The following RPSA2 variants were observed in gnomAD, a reference collection of about 807,000 sequenced individuals.
The protein encoded by RPSA2 is ribosomal protein SA 2, also known as small ribosomal subunit protein uS2B.
the RPSA2 span, among the ~76,000 whole-genome samples, chr19:23,838,727 A>T: frequency 6.7e-6 from 1 of 148,172 alleles, no homozygotes; most frequent in Non-Finnish European, 1.5e-5. Context: ...GCTTATGTGT[A>T]TGTGTGTAAA....
At chr19:23,848,236 C>T in the RPSA2 span, among the ~76,000 whole-genome samples, 151 of 152,244 alleles carry the variant, frequency 9.9e-4, no homozygotes, top group African/African-American at 3.3e-3. Flanking sequence ...GTTCCTCTGC[C>T]GTGGCTCCAG....
chr19:23,801,280 AC>A, the RPSA2 span, among the ~76,000 whole-genome samples: 148,584 of 151,888 alleles, frequency 0.98, 72,767 homozygotes, highest in Middle Eastern at 1. Context: ...TTGCTCTGTC[AC>A]CAGGCTGGAG....
chr19:23,781,005 C>T, the RPSA2 span, among the ~76,000 whole-genome samples: 1 of 152,168 alleles, frequency 6.6e-6, no homozygotes, highest in Non-Finnish European at 1.5e-5. Flanking sequence ...GAGACAGTCT[C>T]GCTCTGTCAC....
the RPSA2 span, among the ~76,000 whole-genome samples, chr19:23,839,041 T>G: frequency 6.6e-6 from 1 of 152,176 alleles, no homozygotes. Context: ...TGTCTGTCTG[T>G]GCTCTTTCAA....
the RPSA2 span, among the ~76,000 whole-genome samples, chr19:23,796,059 C>T: frequency 1.7e-4 from 26 of 152,306 alleles, no homozygotes; most frequent in Admixed American, 5.2e-4. Flanking sequence ...GCCACTGCAC[C>T]CATCTGCTTC....
chr19:23,814,520 A>G, the RPSA2 span, among the ~76,000 whole-genome samples: 1 of 152,162 alleles, frequency 6.6e-6, no homozygotes, highest in African/African-American at 2.4e-5. Flanking sequence ...AAAATCAGAA[A>G]TTATAATGCA....
At chr19:23,782,918 C>T in the RPSA2 span, among the ~76,000 whole-genome samples, 1 of 152,012 alleles carries the variant, frequency 6.6e-6, no homozygotes, top group East Asian at 1.9e-4. Flanking sequence ...TAGGCCATCC[C>T]CTCAGGGGTA....
At chr19:23,849,225 A>AG in the RPSA2 span, among the ~76,000 whole-genome samples, 1 of 152,260 alleles carries the variant, frequency 6.6e-6, no homozygotes, top group Admixed American at 6.5e-5. Flanking sequence ...TAAACAAAGC[A>AG]GAATGCTTGA....
the RPSA2 span, among the ~76,000 whole-genome samples, chr19:23,764,167 A>G: frequency 6.6e-6 from 1 of 152,174 alleles, no homozygotes; most frequent in African/African-American, 2.4e-5. Context: ...CTGCTTTTTA[A>G]TTACTTTAAC....
the RPSA2 span, chr19:23,833,030 G>T: frequency 2.2e-5 from 30 of 1,378,136 alleles, no homozygotes; most frequent in Admixed American, 2.7e-4. Context: ...AACCATAAGA[G>T]AATTCATACT....
chr19:23,768,147 G>A, the RPSA2 span, among the ~76,000 whole-genome samples: 2 of 151,876 alleles, frequency 1.3e-5, no homozygotes, highest in Non-Finnish European at 2.9e-5. Context: ...ACTATGAAAG[G>A]TATATTTCAG....
chr19:23,857,766 A>AG, the RPSA2 span, among the ~76,000 whole-genome samples: 1 of 151,958 alleles, frequency 6.6e-6, no homozygotes, highest in Non-Finnish European at 1.5e-5. Flanking sequence ...AAGTGCTGGG[A>AG]TTGCAGGAGT....
the RPSA2 span, among the ~76,000 whole-genome samples, chr19:23,850,118 G>T: frequency 4.0e-5 from 6 of 151,558 alleles, no homozygotes; most frequent in Admixed American, 1.3e-4. Context: ...CTGGTTGAGT[G>T]GGGCAATGGT....
the RPSA2 span, among the ~76,000 whole-genome samples, chr19:23,810,286 C>T: frequency 2.7e-5 from 4 of 150,606 alleles, no homozygotes; most frequent in African/African-American, 7.3e-5. Context: ...CCCAGCTACT[C>T]GGGAGGCTGA....
the RPSA2 span, among the ~76,000 whole-genome samples, chr19:23,854,417 C>T: frequency 0.99 from 150,876 of 152,298 alleles, 74,751 homozygotes; most frequent in Middle Eastern, 1. Flanking sequence ...CTGGGACCCA[C>T]CTGGGTTGGC....
chr19:23,838,535 T>C, the RPSA2 span, among the ~76,000 whole-genome samples: 1 of 152,096 alleles, frequency 6.6e-6, no homozygotes, highest in Non-Finnish European at 1.5e-5. Flanking sequence ...GCTGTGAATC[T>C]GTTGGATTTT....
At chr19:23,852,788 T>C in the RPSA2 span, among the ~76,000 whole-genome samples, 3 of 152,250 alleles carry the variant, frequency 2.0e-5, no homozygotes, top group Non-Finnish European at 2.9e-5. Context: ...CTCCCAATAG[T>C]TACCCAAAAG....
At chr19:23,759,627 G>T in the RPSA2 span, among the ~76,000 whole-genome samples, 1 of 142,136 alleles carries the variant, frequency 7.0e-6, no homozygotes, top group Non-Finnish European at 1.5e-5. Context: ...GGGTTCAAGT[G>T]ATTCTCTTGC....
the RPSA2 span, among the ~76,000 whole-genome samples, chr19:23,775,128 G>T: frequency 6.6e-6 from 1 of 152,218 alleles, no homozygotes; most frequent in African/African-American, 2.4e-5. Flanking sequence ...GAAGCCCCGG[G>T]TGGTACAGAG....
Sources: allele counts gnomAD v4.1 joint callset (sites outside exome capture counted in the v4.1 genomes callset), GRCh38; gene constraint gnomAD v4.1.1; transcripts MANE v1.5; gene names NCBI Gene and HGNC (gene_info 2026-07-23, HGNC 2026-07-21).